MDGA2: variants seen among roughly 807,000 people sequenced by gnomAD.
MDGA2 encodes the protein MAM domain containing glycosylphosphatidylinositol anchor 2, also known as MAM domain-containing glycosylphosphatidylinositol anchor protein 2.
In MDGA2, 40 loss-of-function variants were observed where a neutral mutation model predicts 117.8. That is an observed-to-expected ratio of 0.34 (90% confidence interval 0.26 to 0.44). MDGA2 has a LOEUF of 0.44. Among genes scored for constraint, MDGA2 ranks in the 20% least tolerant of loss-of-function variants. The pLI is 1.00. For missense variants in MDGA2, 1,123 were observed against 1,250.6 expected (o/e 0.90, Z 1.54); for synonymous variants, 452 against 439.0 (o/e 1.03, Z -0.37).
At chr14:47,018,161 G>A (rs955427817) in intron 8 of MDGA2, among the ~76,000 whole-genome samples, 1 of 150,310 alleles carries the variant, frequency 6.7e-6, no homozygotes, top group South Asian at 2.1e-4. Flanking sequence ...TTTTCCCCCC[G>A]TTCTTTTTTT....
intron 1 of MDGA2, among the ~76,000 whole-genome samples, chr14:47,615,159 TAAAAAAGACAAAC>T: frequency 6.6e-6 from 1 of 152,220 alleles, no homozygotes; most frequent in East Asian, 1.9e-4. Context: ...TGTATGGCCA[TAAAAAAGACAAAC>T]ACATTTATTT....
At chr14:47,232,730 C>T (rs1886732593) in intron 2 of MDGA2, among the ~76,000 whole-genome samples, 1 of 152,152 alleles carries the variant, frequency 6.6e-6, no homozygotes, top group Non-Finnish European at 1.5e-5. Flanking sequence ...GATAAATCAA[C>T]ACCATAGACT....
At chr14:46,960,081 G>T (rs1885734240) in intron 8 of MDGA2, among the ~76,000 whole-genome samples, 1 of 151,926 alleles carries the variant, frequency 6.6e-6, no homozygotes, top group African/African-American at 2.4e-5. Context: ...AATTAGCCGG[G>T]CATGTGGCGT....
chr14:47,109,708 G>A (rs543956070), intron 5 of MDGA2, among the ~76,000 whole-genome samples: 1 of 152,234 alleles, frequency 6.6e-6, no homozygotes, highest in East Asian at 1.9e-4. Context: ...CAATTTGGGA[G>A]GCCAAGGCAG....
chr14:46,891,917 A>G (rs2138419660), intron 10 of MDGA2, among the ~76,000 whole-genome samples: 1 of 151,886 alleles, frequency 6.6e-6, no homozygotes, highest in South Asian at 2.1e-4. Flanking sequence ...AAACTTACAA[A>G]AGTAAATGTG....
rs187744280 is a variant in MDGA2, at chr14:46,918,205, A to T, written c.2238+1807T>A. Reference sequence around the variant, plus strand: ...CCTATAACCAGAAAATAGCACAATAATTACCTAAAGAAAACAATTGATTTT... The same window carrying T: ...CCTATAACCAGAAAATAGCACAATATTTACCTAAAGAAAACAATTGATTTT... On this transcript the variant is annotated intron_variant, in intron 10 of 16. Transcript: ENST00000399232. 6.2e-3 allele frequency among the ~76,000 whole-genome samples: 940 copies of T among 152,318 alleles called. 4 individuals are homozygous for T. Among genetic ancestry groups the T allele is most frequent in the Middle Eastern group, 0.01 (3 of 294 alleles).
At chr14:47,501,028 C>T (rs1894388546) in intron 1 of MDGA2, among the ~76,000 whole-genome samples, 2 of 151,976 alleles carry the variant, frequency 1.3e-5, no homozygotes. Flanking sequence ...TAAGGGTAAC[C>T]ATCCCTGAAA....
chr14:47,658,598 G>A (rs1338035156), intron 1 of MDGA2, among the ~76,000 whole-genome samples: 1 of 152,136 alleles, frequency 6.6e-6, no homozygotes, highest in Non-Finnish European at 1.5e-5. Flanking sequence ...AACAGGATAA[G>A]CAAGCAGATA....
intron 9 of MDGA2, among the ~76,000 whole-genome samples, chr14:46,952,032 A>G (rs899600415): frequency 6.6e-6 from 1 of 151,928 alleles, no homozygotes; most frequent in Non-Finnish European, 1.5e-5. Context: ...AAGGGATACA[A>G]TAGTAATGGT....
intron 1 of MDGA2, among the ~76,000 whole-genome samples, chr14:47,324,675 A>G (rs1890089317): frequency 1.3e-5 from 2 of 152,098 alleles, no homozygotes; most frequent in African/African-American, 2.4e-5. Context: ...ACCTTTGTCT[A>G]TGTGTTAATA....
At chr14:47,071,907 CA>C (rs1890295202) in intron 6 of MDGA2, among the ~76,000 whole-genome samples, 1 of 152,122 alleles carries the variant, frequency 6.6e-6, no homozygotes, top group African/African-American at 2.4e-5. Context: ...TCCTAGTTGT[CA>C]ATCTATACCT....
intron 5 of MDGA2, among the ~76,000 whole-genome samples, chr14:47,102,606 C>G (rs960018718): frequency 6.6e-6 from 1 of 152,018 alleles, no homozygotes; most frequent in Non-Finnish European, 1.5e-5. Flanking sequence ...CACTGATGAG[C>G]AGGTTATCAC....
At chr14:47,495,931 C>T (rs908549153) in intron 1 of MDGA2, among the ~76,000 whole-genome samples, 37 of 151,732 alleles carry the variant, frequency 2.4e-4, no homozygotes, top group African/African-American at 7.7e-4. Flanking sequence ...ATTTGATGTT[C>T]GAAAAATTAT....
At chr14:46,919,635 G>A (rs1159606107) in intron 10 of MDGA2, among the ~76,000 whole-genome samples, 2 of 152,040 alleles carry the variant, frequency 1.3e-5, no homozygotes, top group Non-Finnish European at 2.9e-5. Flanking sequence ...TGGCTTCTTA[G>A]GAATCAAGAC....
rs573669045 is a variant in MDGA2, at chr14:47,154,433, C to A, written c.596-10159G>T. On this transcript the variant is annotated intron_variant, in intron 3 of 16. Coordinates refer to ENST00000399232, the MANE Select transcript of MDGA2 (RefSeq NM_001113498.3). ...CCCTTCCAAGTTGGTGGGGTGGGAGCCCTGTGATCCCAGGCACAGCTGCAG... is the reference window on the plus strand; with the variant it reads ...CCCTTCCAAGTTGGTGGGGTGGGAGACCTGTGATCCCAGGCACAGCTGCAG... 4.6e-3 allele frequency among the ~76,000 whole-genome samples: 706 copies of A among 152,194 alleles called. 7 individuals are homozygous for A. The highest frequency in any genetic ancestry group is 0.016 in the African/African-American group (651 of 41,532).
At chr14:47,340,478 G>A (rs529770189) in intron 1 of MDGA2, among the ~76,000 whole-genome samples, 9 of 152,196 alleles carry the variant, frequency 5.9e-5, no homozygotes, top group African/African-American at 2.2e-4. Flanking sequence ...AATAACGAGT[G>A]CCATCTAGTT....
intron 3 of MDGA2, among the ~76,000 whole-genome samples, chr14:47,154,618 G>A (rs1264332711): frequency 1.3e-5 from 2 of 151,526 alleles, no homozygotes; most frequent in African/African-American, 4.9e-5. Context: ...CAGCCCAAGC[G>A]CTGTCAAGAC....
At chr14:47,444,364 C>T (rs753268394) in intron 1 of MDGA2, 18 of 173,674 alleles carry the variant, frequency 1.0e-4, no homozygotes, top group Non-Finnish European at 2.0e-4. Flanking sequence ...AGTGTAACCA[C>T]GCTTCATCAT....
intron 1 of MDGA2, among the ~76,000 whole-genome samples, chr14:47,463,798 T>C (rs377168139): frequency 6.6e-6 from 1 of 152,128 alleles, no homozygotes; most frequent in South Asian, 2.1e-4. Flanking sequence ...ATATTTTTGT[T>C]TTTGCTTTTT....
Sources: allele counts gnomAD v4.1 joint callset (sites outside exome capture counted in the v4.1 genomes callset), GRCh38; gene constraint gnomAD v4.1.1; transcripts MANE v1.5; gene names NCBI Gene and HGNC (gene_info 2026-07-23, HGNC 2026-07-21).